The following SLC8A1 variants were observed in gnomAD, a reference collection of about 807,000 sequenced individuals.
SLC8A1 encodes solute carrier family 8 member A1.
A neutral mutation model predicts 68.3 loss-of-function variants in SLC8A1; 18 were observed. The ratio of observed to expected loss-of-function variants is 0.26; its 90% CI spans 0.18 to 0.39. The LOEUF (loss-of-function observed/expected upper bound fraction) is 0.39. Ranked by LOEUF, SLC8A1 falls within the 10% of genes least tolerant of loss-of-function variation. The pLI is 1.00. For synonymous variants in SLC8A1, 475 were observed against 415.5 expected, an observed-to-expected ratio of 1.14 and a Z score of -1.74; for missense variants, 985 against 1,156.7, an observed-to-expected ratio of 0.85 and a Z score of 2.15.
At chr2:40,373,580 C>G (rs930794280) in intron 2 of SLC8A1, among the ~76,000 whole-genome samples, 1 of 151,984 alleles carries the variant, frequency 6.6e-6, no homozygotes, top group Admixed American at 6.6e-5. Flanking sequence ...TTACATAACC[C>G]TATTTAGCCT....
chr2:40,433,242 C>G (rs529045564), intron 1 of SLC8A1, among the ~76,000 whole-genome samples: 1 of 152,146 alleles, frequency 6.6e-6, no homozygotes, highest in African/African-American at 2.4e-5. Context: ...TTTCTAAGAC[C>G]TTTTATGATC....
chr2:40,325,883 C>T (rs749460389), intron 2 of SLC8A1, among the ~76,000 whole-genome samples: 12 of 151,150 alleles, frequency 7.9e-5, no homozygotes, highest in Non-Finnish European at 1.6e-4. Flanking sequence ...GTTTCACTAT[C>T]CTTTATAGGT....
At chr2:40,132,155 C>T (rs916470029) in intron 7 of SLC8A1, among the ~76,000 whole-genome samples, 4 of 151,586 alleles carry the variant, frequency 2.6e-5, no homozygotes, top group Non-Finnish European at 2.9e-5. Context: ...TTTCTTAAAA[C>T]GTTTGTGAGG....
chr2:40,496,140 C>G (rs527818245), intron 1 of SLC8A1, among the ~76,000 whole-genome samples: 22 of 152,074 alleles, frequency 1.4e-4, no homozygotes, highest in Non-Finnish European at 2.4e-4. Context: ...AATACAAAGC[C>G]CAAATCAAAC....
At chr2:40,241,549 T>C (rs1558913433) in intron 2 of SLC8A1, among the ~76,000 whole-genome samples, 1 of 152,352 alleles carries the variant, frequency 6.6e-6, no homozygotes, top group East Asian at 1.9e-4. Context: ...GTACCTGATA[T>C]GTGACCATAA....
intron 6 of SLC8A1, among the ~76,000 whole-genome samples, chr2:40,149,566 A>T (rs2043049965): frequency 6.6e-6 from 1 of 152,114 alleles, no homozygotes; most frequent in East Asian, 1.9e-4. Context: ...AGAGAACAGA[A>T]ATATGCCTGT....
At chr2:40,328,271 C>T (rs1184863712) in intron 2 of SLC8A1, among the ~76,000 whole-genome samples, 3 of 152,172 alleles carry the variant, frequency 2.0e-5, no homozygotes, top group Non-Finnish European at 4.4e-5. Flanking sequence ...ATAGACTCCC[C>T]AAGGATCTTT....
intron 2 of SLC8A1, among the ~76,000 whole-genome samples, chr2:40,241,452 C>A (rs2061213394): frequency 6.6e-6 from 1 of 152,212 alleles, no homozygotes. Flanking sequence ...TAAACCCGCA[C>A]ATGTACCCCC....
At chr2:40,333,234 C>T (rs551066495) in intron 2 of SLC8A1, among the ~76,000 whole-genome samples, 3 of 151,878 alleles carry the variant, frequency 2.0e-5, no homozygotes, top group South Asian at 2.1e-4. Context: ...GTCAGGAGAT[C>T]GAGACCATCC....
At chr2:40,432,141 T>C (rs1363869947) in intron 1 of SLC8A1, among the ~76,000 whole-genome samples, 1 of 151,938 alleles carries the variant, frequency 6.6e-6, no homozygotes, top group African/African-American at 2.4e-5. Flanking sequence ...TGCAAGAATG[T>C]TGGAAGATCT....
At chr2:40,383,173 T>C (rs1036665269) in intron 2 of SLC8A1, among the ~76,000 whole-genome samples, 1 of 152,094 alleles carries the variant, frequency 6.6e-6, no homozygotes, top group South Asian at 2.1e-4. Flanking sequence ...TACAGACACG[T>C]TGTAGATAAT....
At chr2:40,162,252 ATCT>A (rs1176298310) in intron 5 of SLC8A1, among the ~76,000 whole-genome samples, 1 of 152,180 alleles carries the variant, frequency 6.6e-6, no homozygotes, top group Non-Finnish European at 1.5e-5. Flanking sequence ...ACCAGCATCC[ATCT>A]TTCTTTTCTC....
chr2:40,430,546 TTAC>T (rs536473902), intron 1 of SLC8A1, among the ~76,000 whole-genome samples: 21 of 152,276 alleles, frequency 1.4e-4, no homozygotes, highest in Non-Finnish European at 2.9e-4. Flanking sequence ...TTCTGTGAAT[TTAC>T]TACATGTAGT....
intron 2 of SLC8A1, among the ~76,000 whole-genome samples, chr2:40,256,956 C>T (rs374018040): frequency 2.3e-4 from 35 of 152,196 alleles, no homozygotes; most frequent in South Asian, 8.3e-4. Flanking sequence ...ATCAGCAACT[C>T]AGCCCCAAAA....
intron 1 of SLC8A1, among the ~76,000 whole-genome samples, chr2:40,439,913 T>C (rs1161245592): frequency 6.6e-6 from 1 of 152,166 alleles, no homozygotes; most frequent in Non-Finnish European, 1.5e-5. Flanking sequence ...TTCCTGACAA[T>C]ATACTCAGTG....
At chr2:40,108,528 A>G (rs560392168) in exon 8 of SLC8A1, 35 of 152,258 alleles carry the variant, frequency 2.3e-4, no homozygotes, top group South Asian at 6.2e-4. Context: ...ATATTACTCA[A>G]TTACATGAGC....
intron 2 of SLC8A1, among the ~76,000 whole-genome samples, chr2:40,314,568 C>T (rs2074188483): frequency 6.6e-6 from 1 of 151,760 alleles, no homozygotes; most frequent in African/African-American, 2.4e-5. Flanking sequence ...ACTGGAATTA[C>T]ATTGAATCTC....
At chr2:40,233,600 A>T (rs1177244902) in intron 2 of SLC8A1, among the ~76,000 whole-genome samples, 52 of 137,924 alleles carry the variant, frequency 3.8e-4, no homozygotes, top group African/African-American at 1.4e-3. Flanking sequence ...CTTTATTTTA[A>T]TTAGTTCCCA....
At chr2:40,260,665 G>A (rs555745143) in intron 2 of SLC8A1, among the ~76,000 whole-genome samples, 9 of 151,800 alleles carry the variant, frequency 5.9e-5, no homozygotes, top group African/African-American at 2.2e-4. Flanking sequence ...AAAAAGAGGT[G>A]TCTTTCAACT....
Sources: gnomAD v4.1 joint callset for allele counts (sites outside exome capture counted in the v4.1 genomes callset) on GRCh38, gnomAD v4.1.1 for gene constraint, MANE v1.5 for transcripts, NCBI Gene and HGNC (gene_info 2026-07-23, HGNC 2026-07-21) for gene names.